PRR5L: variants seen among roughly 807,000 people sequenced by gnomAD.
PRR5L encodes proline rich 5 like.
Under a neutral mutation model 36.4 loss-of-function variants are expected in PRR5L, and 21 were observed. The observed-to-expected ratio is 0.58, with a 90% CI of 0.41 to 0.83. PRR5L has a LOEUF of 0.83. PRR5L is among the 40% of genes least tolerant of loss of function. The pLI is 0.00. For missense variants in PRR5L, 381 were observed against 473.3 expected (o/e 0.80, Z 1.81); for synonymous variants, 188 against 197.0 (o/e 0.95, Z 0.38).
chr11:36,364,600 C>T (rs1367617525), intron 1 of PRR5L, among the ~76,000 whole-genome samples: 1 of 152,094 alleles, frequency 6.6e-6, no homozygotes, highest in African/African-American at 2.4e-5. Flanking sequence ...TAAATTTTAC[C>T]TATTGCATTA....
At chr11:36,380,410 A>G (rs1857348248) in intron 1 of PRR5L, 1 of 152,018 alleles carries the variant, frequency 6.6e-6, no homozygotes, top group African/African-American at 2.4e-5. Flanking sequence ...TATAGTCAAT[A>G]TAAATTAGGG....
At chr11:36,326,161 T>C (rs747821509) in intron 1 of PRR5L, among the ~76,000 whole-genome samples, 13 of 152,202 alleles carry the variant, frequency 8.5e-5, no homozygotes, top group Non-Finnish European at 1.8e-4. Flanking sequence ...GCTTTAATAA[T>C]TATCAGCATT....
chr11:36,369,513 G>A (rs776760833), intron 1 of PRR5L, among the ~76,000 whole-genome samples: 4 of 152,092 alleles, frequency 2.6e-5, no homozygotes, highest in Non-Finnish European at 5.9e-5. Context: ...GGTATGGTCT[G>A]GTCAGATGCC....
At chr11:36,373,156 C>G (rs1590496134) in intron 1 of PRR5L, among the ~76,000 whole-genome samples, 1 of 152,130 alleles carries the variant, frequency 6.6e-6, no homozygotes, top group East Asian at 1.9e-4. Flanking sequence ...ACTCTTTCAA[C>G]AGGAGCCTTG....
chr11:36,301,368 G>A (rs959034675), intron 1 of PRR5L, among the ~76,000 whole-genome samples: 1 of 152,058 alleles, frequency 6.6e-6, no homozygotes, highest in Admixed American at 6.5e-5. Flanking sequence ...CATCAGAGGC[G>A]TCAAGGCTCA....
intron 3 of PRR5L, among the ~76,000 whole-genome samples, chr11:36,404,484 T>G (rs781327620): frequency 2.0e-5 from 3 of 152,074 alleles, no homozygotes; most frequent in Non-Finnish European, 4.4e-5. Context: ...GTCAGGCTGG[T>G]CTTGAACTCC....
At position 36,302,168 on chromosome 11, in the gene PRR5L, A is replaced by G. The variant is rs1445588584; in HGVS notation, c.-126+5730A>G. Among the ~76,000 whole-genome samples the G allele has an allele frequency of 3.9e-5, 6 of 152,340 alleles. No individual in the cohort carries two copies. In the East Asian group the frequency reaches 9.7e-4, roughly 25 times the overall value. The stretch of plus-strand genomic sequence containing the variant: ...GATGGGAGGTAAGGGTACCACAGGA[A>G]CACAATGAATGGCCTCTAATCAGAA... On this transcript the variant is annotated intron_variant, in intron 1 of 8. Coordinates refer to ENST00000530639, the MANE Select transcript of PRR5L (RefSeq NM_001160167.2).
chr11:36,376,792 T>A, intron 1 of PRR5L: 1 of 897,828 alleles, frequency 1.1e-6, no homozygotes, highest in Non-Finnish European at 1.3e-6. Context: ...TACCGCGCGC[T>A]AATCTGACGG....
At chr11:36,322,496 CT>C (rs1243462244) in intron 1 of PRR5L, among the ~76,000 whole-genome samples, 1 of 152,112 alleles carries the variant, frequency 6.6e-6, no homozygotes, top group Non-Finnish European at 1.5e-5. Context: ...CATACCATTT[CT>C]TTTGGTTTCT....
At chr11:36,428,217 C>A (rs1322779696) in intron 4 of PRR5L, among the ~76,000 whole-genome samples, 1 of 152,112 alleles carries the variant, frequency 6.6e-6, no homozygotes, top group Non-Finnish European at 1.5e-5. Context: ...CTGAAAATCC[C>A]TCCTGGGGAG....
intron 3 of PRR5L, among the ~76,000 whole-genome samples, chr11:36,418,072 G>T (rs60521654): frequency 6.6e-6 from 1 of 152,100 alleles, no homozygotes; most frequent in African/African-American, 2.4e-5. Flanking sequence ...CTTAAGATTC[G>T]TTGAAATCAT....
At chr11:36,461,198 T>C (rs910348350) in intron 8 of PRR5L, among the ~76,000 whole-genome samples, 12 of 152,226 alleles carry the variant, frequency 7.9e-5, no homozygotes, top group African/African-American at 2.9e-4. Context: ...ATTCCCTCTC[T>C]GAGACTCAGT....
chr11:36,418,518 T>A (rs551860086), intron 3 of PRR5L, among the ~76,000 whole-genome samples: 1 of 152,124 alleles, frequency 6.6e-6, no homozygotes, highest in Non-Finnish European at 1.5e-5. Context: ...TAATTACTAC[T>A]ACCCGCGGTG....
At chr11:36,424,735 C>T (rs186721554) in intron 4 of PRR5L, among the ~76,000 whole-genome samples, 4 of 152,174 alleles carry the variant, frequency 2.6e-5, no homozygotes, top group African/African-American at 7.2e-5. Context: ...GTATGGTCCC[C>T]GAACCAGGAG....
chr11:36,457,605 CAAAA>C (rs11297597), intron 8 of PRR5L, among the ~76,000 whole-genome samples: 13 of 134,448 alleles, frequency 9.7e-5, no homozygotes, highest in Non-Finnish European at 1.3e-4. Context: ...GACTCCGTCT[CAAAA>C]AAAAAAAAAA....
rs557614681 is a variant in PRR5L at position 36,346,365 on chromosome 11, C to T, written c.-126+49927C>T. ...TTGGGAGGCTGAGGCGGGTGGATCA[C>T]GAGGTCAGGAGATCGAGACCATCCT... On this transcript the variant is annotated intron_variant, in intron 1 of 8. Transcript: ENST00000530639. Among the ~76,000 whole-genome samples, 5 of 152,122 alleles carry T rather than the reference C, an allele frequency of 3.3e-5. No homozygotes were observed. In the South Asian group the frequency reaches 6.2e-4, roughly 19 times the overall value.
At chr11:36,443,954 C>A (rs1022850187) in intron 6 of PRR5L, among the ~76,000 whole-genome samples, 2 of 152,216 alleles carry the variant, frequency 1.3e-5, no homozygotes, top group African/African-American at 4.8e-5. Context: ...CAAATGGATG[C>A]AATCTTTTTG....
Position 36,383,741 on chromosome 11 carries a change from G to A in PRR5L, c.-125-17256G>A, listed in dbSNP as rs528208165. On this transcript the variant is annotated intron_variant, in intron 1 of 8. Coordinates refer to ENST00000530639, the MANE Select transcript of PRR5L (RefSeq NM_001160167.2). Reference sequence around the variant, plus strand: ...GATGGAGTCTCGCTCTGTCACCCAGGCTGGAGTGCAATGGTGTGATCACGG... The same window carrying A: ...GATGGAGTCTCGCTCTGTCACCCAGACTGGAGTGCAATGGTGTGATCACGG... Among the ~76,000 whole-genome samples the A allele has an allele frequency of 4.1e-5, 6 of 145,438 alleles. No homozygotes were observed. The South Asian group carries it at 1.3e-3, about 31-fold the overall frequency.
At chr11:36,297,778 C>T (rs1356944312) in intron 1 of PRR5L, among the ~76,000 whole-genome samples, 1 of 152,196 alleles carries the variant, frequency 6.6e-6, no homozygotes, top group Admixed American at 6.5e-5. Flanking sequence ...ACTTTTCTCC[C>T]TCCTCCAGTG....
Sources: allele counts gnomAD v4.1 joint callset (sites outside exome capture counted in the v4.1 genomes callset), GRCh38; gene constraint gnomAD v4.1.1; transcripts MANE v1.5; gene names NCBI Gene and HGNC (gene_info 2026-07-23, HGNC 2026-07-21).